MAOB: variants seen among roughly 807,000 people sequenced by gnomAD.
MAOB encodes amine oxidase [flavin-containing] B.
Under a neutral mutation model 41.9 loss-of-function variants are expected in MAOB, and 15 were observed. The ratio of observed to expected loss-of-function variants is 0.36; its 90% CI spans 0.24 to 0.55. The LOEUF (loss-of-function observed/expected upper bound fraction) is 0.55. Ranked by LOEUF, MAOB falls within the 20% of genes least tolerant of loss-of-function variation. The pLI, the probability that MAOB is intolerant of heterozygous loss-of-function variation, is 0.86. For synonymous variants in MAOB, 167 were observed against 144.2 expected (o/e 1.16, Z -1.13); for missense variants, 345 against 398.7 (o/e 0.87, Z 1.15).
At chrX:43,802,971 A>G (rs1188031003) in intron 4 of MAOB, among the ~76,000 whole-genome samples, 1 of 111,851 alleles carries the variant, frequency 8.9e-6, no homozygotes, top group Non-Finnish European at 1.9e-5. Flanking sequence ...ATGTGTGATT[A>G]CTTATGACTT....
intron 10 of MAOB, among the ~76,000 whole-genome samples, chrX:43,779,322 G>A (rs1408081896): frequency 1.8e-5 from 2 of 112,033 alleles, no homozygotes; most frequent in Non-Finnish European, 1.9e-5. Context: ...AAGAAATAAA[G>A]TAGGATGCTT....
intron 8 of MAOB, among the ~76,000 whole-genome samples, chrX:43,782,158 C>A (rs779723365): frequency 1.8e-5 from 2 of 110,562 alleles, no homozygotes; most frequent in East Asian, 2.9e-4. Flanking sequence ...CTGAAGGAGA[C>A]AGAGACACAA....
intron 6 of MAOB, among the ~76,000 whole-genome samples, chrX:43,796,897 G>A (rs1601980132): frequency 8.9e-6 from 1 of 111,907 alleles, no homozygotes; most frequent in East Asian, 2.8e-4. Context: ...AATGGCCACA[G>A]TGCATAAAGA....
chrX:43,796,555 AAGG>A (rs1198783567), intron 6 of MAOB, among the ~76,000 whole-genome samples: 1 of 110,972 alleles, frequency 9.0e-6, no homozygotes, highest in Non-Finnish European at 1.9e-5. Flanking sequence ...AGAAAGAGAA[AAGG>A]AGGAGGAGAA....
chrX:43,856,453 G>A (rs1213267447), intron 1 of MAOB, among the ~76,000 whole-genome samples: 1 of 111,718 alleles, frequency 9.0e-6, no homozygotes, highest in African/African-American at 3.3e-5. Flanking sequence ...AATTATAGTA[G>A]ATTTTACCTT....
chrX:43,872,749 T>C (rs2035416049), intron 1 of MAOB, among the ~76,000 whole-genome samples: 1 of 112,454 alleles, frequency 8.9e-6, no homozygotes, highest in Non-Finnish European at 1.9e-5. Context: ...TTGGTATTTA[T>C]TTTTAAAGGG....
intron 6 of MAOB, among the ~76,000 whole-genome samples, chrX:43,796,418 C>A (rs896868789): frequency 2.7e-5 from 3 of 111,455 alleles, no homozygotes; most frequent in African/African-American, 9.8e-5. Flanking sequence ...ACTCATTTCA[C>A]CTCACTGTAC....
chrX:43,873,668 G>A (rs1314037102), intron 1 of MAOB, among the ~76,000 whole-genome samples: 1 of 111,167 alleles, frequency 9.0e-6, no homozygotes, highest in Non-Finnish European at 1.9e-5. Context: ...TGACATTTTT[G>A]TTCGTTTTTG....
intron 1 of MAOB, among the ~76,000 whole-genome samples, chrX:43,873,416 A>G (rs1218236718): frequency 3.6e-5 from 4 of 110,875 alleles, no homozygotes; most frequent in Non-Finnish European, 5.7e-5. Context: ...CATTTTCATC[A>G]TTGTGTAATT....
chrX:43,835,535 C>A (rs1046949762), intron 3 of MAOB, among the ~76,000 whole-genome samples: 8 of 111,699 alleles, frequency 7.2e-5, no homozygotes, highest in Admixed American at 1.9e-4. Flanking sequence ...TTTGGAAAAC[C>A]CTACTTTAAC....
intron 1 of MAOB, among the ~76,000 whole-genome samples, chrX:43,869,005 G>A (rs1403533826): frequency 1.8e-5 from 2 of 111,085 alleles, no homozygotes; most frequent in Non-Finnish European, 3.8e-5. Flanking sequence ...GCATGTTGCC[G>A]GCAAAGATTT....
intron 1 of MAOB, among the ~76,000 whole-genome samples, chrX:43,847,034 C>T (rs12013965): frequency 4.5e-5 from 5 of 112,282 alleles, no homozygotes; most frequent in Non-Finnish European, 9.4e-5. Flanking sequence ...ATGCAATTAA[C>T]AATTTGTTTG....
At chrX:43,779,394 A>G (rs1482864867) in intron 10 of MAOB, among the ~76,000 whole-genome samples, 2 of 112,298 alleles carry the variant, frequency 1.8e-5, no homozygotes, top group Non-Finnish European at 3.8e-5. Context: ...ATAATAGGTC[A>G]GACCATAAAA....
At chrX:43,865,047 G>A (rs760027061) in intron 1 of MAOB, among the ~76,000 whole-genome samples, 22 of 111,760 alleles carry the variant, frequency 2.0e-4, no homozygotes, top group East Asian at 5.6e-4. Context: ...TTTCGCTCCC[G>A]GGTATATACC....
intron 5 of MAOB, among the ~76,000 whole-genome samples, 178 bp downstream of exon 5, chrX:43,801,994 T>C (rs958305885): frequency 8.8e-6 from 1 of 113,162 alleles, no homozygotes. Context: ...AAGAAGTAAG[T>C]TGTATGTACA....
chrX:43,850,088 G>C (rs2035239679), intron 1 of MAOB, among the ~76,000 whole-genome samples: 1 of 111,502 alleles, frequency 9.0e-6, no homozygotes, highest in Non-Finnish European at 1.9e-5. Context: ...CTATTTTTCG[G>C]ATTAGTAAAA....
chrX:43,864,182 T>C (rs1482510675), intron 1 of MAOB, among the ~76,000 whole-genome samples: 1 of 111,825 alleles, frequency 8.9e-6, no homozygotes, highest in Non-Finnish European at 1.9e-5. Context: ...AATATATTCA[T>C]GTAAGTAAAC....
chrX:43,882,446 A>T lies in MAOB; in HGVS notation c.-147T>A, dbSNP rs1227686028. ...TGCACCAGCGCCTCGGCGAGCCGCTATATTACCAGCCCCGGGAGCCCGGAC... is the reference window on the plus strand; with the variant it reads ...TGCACCAGCGCCTCGGCGAGCCGCTTTATTACCAGCCCCGGGAGCCCGGAC... On this transcript the variant is annotated 5_prime_UTR_variant, in exon 1 of 15. Transcript: ENST00000378069. 3.4e-5 allele frequency: 34 copies of T among 988,091 alleles called. No homozygotes were observed. The highest frequency in any genetic ancestry group is 4.2e-5 in the Non-Finnish European group (33 of 782,836). 81.4% of individuals were successfully genotyped at this position (988,091 alleles called of 1,213,427 possible).
intron 1 of MAOB, among the ~76,000 whole-genome samples, chrX:43,879,312 G>T (rs987800014): frequency 1.2e-4 from 14 of 112,271 alleles, no homozygotes; most frequent in Non-Finnish European, 1.9e-4. Flanking sequence ...TATCCCAAAG[G>T]GAGTGATTAA....
Sources: allele counts gnomAD v4.1 joint callset (sites outside exome capture counted in the v4.1 genomes callset), GRCh38; gene constraint gnomAD v4.1.1; transcripts MANE v1.5; gene names NCBI Gene and HGNC (gene_info 2026-07-23, HGNC 2026-07-21).